MBOAT2: variants seen among roughly 807,000 people sequenced by gnomAD.
The protein encoded by MBOAT2 is membrane-bound glycerophospholipid O-acyltransferase 2.
A neutral mutation model predicts 63.4 loss-of-function variants in MBOAT2; 28 were observed. The observed-to-expected ratio is 0.44, with a 90% CI of 0.33 to 0.61. The LOEUF (loss-of-function observed/expected upper bound fraction) is 0.61, where lower values mean the gene tolerates loss of function less well. Ranked by LOEUF, MBOAT2 falls within the 20% of genes least tolerant of loss-of-function variation. The pLI, the probability that MBOAT2 is intolerant of heterozygous loss-of-function variation, is 0.03. For missense variants in MBOAT2, 470 were observed against 605.8 expected, an observed-to-expected ratio of 0.78 and a Z score of 2.35; for synonymous variants, 211 against 215.6, an observed-to-expected ratio of 0.98 and a Z score of 0.19.
intron 3 of MBOAT2, among the ~76,000 whole-genome samples, chr2:8,912,628 C>T (rs1429215577): frequency 6.6e-6 from 1 of 152,076 alleles, no homozygotes; most frequent in African/African-American, 2.4e-5. Context: ...TAGGAATATA[C>T]CTAACCAAGG....
rs557434366 is a variant in MBOAT2, at chr2:8,887,517, G to A, written c.451+501C>T. Among the ~76,000 whole-genome samples the A allele has an allele frequency of 6.6e-5, 10 of 152,260 alleles. No homozygotes were observed. The South Asian group carries it at 8.3e-4, about 13-fold the overall frequency. On this transcript the variant is annotated intron_variant, in intron 5 of 12. Transcript: ENST00000305997. ...AGGATGCTTCGTTTCTTCAGTCTTC[G>A]AAGGAATCAGAGCCCAAATCTCACG...
chr2:8,965,389 T>C (rs1669910453), intron 1 of MBOAT2, among the ~76,000 whole-genome samples: 1 of 152,170 alleles, frequency 6.6e-6, no homozygotes, highest in African/African-American at 2.4e-5. Context: ...TTATCTCTAC[T>C]TTAAAAGGAA....
chr2:9,002,166 C>A (rs1286094196), intron 1 of MBOAT2, among the ~76,000 whole-genome samples: 3 of 152,128 alleles, frequency 2.0e-5, no homozygotes, highest in Non-Finnish European at 2.9e-5. Flanking sequence ...TTCGAATACA[C>A]GATTAATTTC....
chr2:8,928,462 A>G (rs148195349), intron 3 of MBOAT2, among the ~76,000 whole-genome samples: 168 of 152,310 alleles, frequency 1.1e-3, no homozygotes, highest in Admixed American at 3.5e-3. Context: ...AGAGGCATGA[A>G]TGAATTCTAG....
At chr2:8,898,704 C>G (rs763686066) in intron 4 of MBOAT2, among the ~76,000 whole-genome samples, 10 of 152,254 alleles carry the variant, frequency 6.6e-5, no homozygotes, top group Non-Finnish European at 1.5e-4. Flanking sequence ...ACCCTGGGGG[C>G]AAGACCGTCC....
In MBOAT2 at chr2:8,958,479, A is replaced by G. The variant is rs1669384753; in HGVS notation, c.221+18T>C. The G allele has an allele frequency of 1.9e-6, 3 of 1,570,848 alleles. No individual in the cohort carries two copies. Among genetic ancestry groups the G allele is most frequent in the Non-Finnish European group, 2.6e-6 (3 of 1,162,648 alleles). The stretch of plus-strand genomic sequence containing the variant: ...TCCAAATAGTCTTCATTTTAAAAGG[A>G]TCAAAATAATTACTTACCATCCAAA... On this transcript the variant is annotated intron_variant, in intron 2 of 12. Coordinates refer to ENST00000305997, the MANE Select transcript of MBOAT2 (RefSeq NM_138799.4).
chr2:8,963,941 T>C (rs1669806159), intron 1 of MBOAT2, among the ~76,000 whole-genome samples: 1 of 152,210 alleles, frequency 6.6e-6, no homozygotes. Context: ...GTTCATGTAA[T>C]AATCACAGCC....
Position 9,003,084 on chromosome 2 carries a change from G to A in MBOAT2, c.75+456C>T, listed in dbSNP as rs545223828. ...CCCAGACCCATGCATCAGCCTCTCC[G>A]GGGGTCGCTCAGAGGCGCGCGCGGG... On this transcript the variant is annotated intron_variant, in intron 1 of 12. Coordinates refer to ENST00000305997, the MANE Select transcript of MBOAT2 (RefSeq NM_138799.4). The surrounding 1 kb of genome is among the most constrained non-coding windows in gnomAD (Gnocchi z 5.4). Among the ~76,000 whole-genome samples, 2 of 152,166 alleles carry A rather than the reference G, an allele frequency of 1.3e-5. No individual in the cohort carries two copies. The highest frequency in any genetic ancestry group is 3.9e-4 in the East Asian group (2 of 5,154).
chr2:8,972,938 A>G (rs889444387), intron 1 of MBOAT2, among the ~76,000 whole-genome samples: 4 of 152,242 alleles, frequency 2.6e-5, no homozygotes, highest in Non-Finnish European at 5.9e-5. Context: ...AAACTGGTTC[A>G]ACCATTGTGG....
intron 3 of MBOAT2, among the ~76,000 whole-genome samples, chr2:8,922,534 G>A (rs1356101617): frequency 6.6e-6 from 1 of 152,196 alleles, no homozygotes; most frequent in Non-Finnish European, 1.5e-5. Context: ...TGATGCAGCA[G>A]CTGATGTCTC....
intron 2 of MBOAT2, among the ~76,000 whole-genome samples, chr2:8,949,731 G>C (rs2103254797): frequency 1.3e-5 from 2 of 152,160 alleles, no homozygotes; most frequent in Middle Eastern, 3.4e-3. Flanking sequence ...TGCTGTTTTG[G>C]TTACTGCATC....
At chr2:8,959,003 G>A (rs1367837193) in intron 1 of MBOAT2, among the ~76,000 whole-genome samples, 1 of 152,172 alleles carries the variant, frequency 6.6e-6, no homozygotes, top group Non-Finnish European at 1.5e-5. Flanking sequence ...ATGACTGAGG[G>A]AACCCTGTAA....
intron 3 of MBOAT2, among the ~76,000 whole-genome samples, chr2:8,913,349 C>T (rs1347153170): frequency 6.6e-6 from 1 of 151,928 alleles, no homozygotes; most frequent in Non-Finnish European, 1.5e-5. Context: ...CCTATTTAAA[C>T]TGAAGAGCTT....
chr2:8,975,845 G>T (rs895255104), intron 1 of MBOAT2, among the ~76,000 whole-genome samples: 2 of 148,534 alleles, frequency 1.3e-5, no homozygotes, highest in Non-Finnish European at 3.0e-5. Context: ...GTTAGGCAGA[G>T]AAATAGCATC....
intron 2 of MBOAT2, among the ~76,000 whole-genome samples, chr2:8,946,734 C>A (rs1668442857): frequency 1.3e-5 from 2 of 152,208 alleles, no homozygotes; most frequent in Non-Finnish European, 2.9e-5. Flanking sequence ...GGGGGCACCA[C>A]AAACTGTGCC....
Position 8,906,689 on chromosome 2 carries a change from G to A in MBOAT2, c.395+1932C>T, listed in dbSNP as rs1048585313. Among the ~76,000 whole-genome samples, 13 of 152,206 alleles carry A rather than the reference G, an allele frequency of 8.5e-5. No individual in the cohort carries two copies. In the East Asian group the frequency reaches 9.6e-4, roughly 11 times the overall value. ...GCCAAGAATTTGGAATAGCTGACGA[G>A]GAAAATAAAAAGGGTAATGACCAAG... On this transcript the variant is annotated intron_variant, in intron 4 of 12. Transcript: ENST00000305997.
chr2:8,911,648 G>A (rs1665716632), intron 3 of MBOAT2, among the ~76,000 whole-genome samples: 1 of 152,126 alleles, frequency 6.6e-6, no homozygotes, highest in Non-Finnish European at 1.5e-5. Context: ...TTATTCCCTT[G>A]AGAACTGGTT....
chr2:8,973,226 G>A (rs1245057031), intron 1 of MBOAT2, among the ~76,000 whole-genome samples: 3 of 152,074 alleles, frequency 2.0e-5, no homozygotes, highest in African/African-American at 2.4e-5. Context: ...GTGGGGACAT[G>A]GATGAAGCTG....
At chr2:8,911,567 G>C (rs1159011773) in intron 3 of MBOAT2, among the ~76,000 whole-genome samples, 1 of 152,154 alleles carries the variant, frequency 6.6e-6, no homozygotes, top group Non-Finnish European at 1.5e-5. Context: ...TTGGGTCATG[G>C]GGGCAGATCC....
Sources: allele counts gnomAD v4.1 joint callset (sites outside exome capture counted in the v4.1 genomes callset), GRCh38; gene constraint gnomAD v4.1.1; non-coding constraint Gnocchi (gnomAD v3.1); transcripts MANE v1.5; gene names NCBI Gene and HGNC (gene_info 2026-07-23, HGNC 2026-07-21).